HSD17B12: variants seen among roughly 807,000 people sequenced by gnomAD.
HSD17B12 encodes hydroxysteroid 17-beta dehydrogenase 12.
In HSD17B12, 32 loss-of-function variants were observed where a neutral mutation model predicts 39.3. The observed-to-expected ratio is 0.81, with a 90% CI of 0.61 to 1.09. The LOEUF (loss-of-function observed/expected upper bound fraction) is 1.09. HSD17B12 is among the 50% of genes least tolerant of loss of function. HSD17B12 has a pLI of 0.00. For synonymous variants in HSD17B12, 150 were observed against 146.7 expected (o/e 1.02, Z -0.16); for missense variants, 342 against 382.9 (o/e 0.89, Z 0.89).
intron 3 of HSD17B12, among the ~76,000 whole-genome samples, chr11:43,778,114 A>G (rs1176946104): frequency 6.6e-6 from 1 of 152,188 alleles, no homozygotes; most frequent in Middle Eastern, 3.2e-3. Context: ...AAAAAGAGAG[A>G]AGAATCAAAT....
upstream of HSD17B12, among the ~76,000 whole-genome samples, chr11:43,678,294 T>G (rs1372237952): frequency 2.6e-5 from 4 of 152,240 alleles, no homozygotes; most frequent in Non-Finnish European, 4.4e-5. Flanking sequence ...GTTTTTTTCT[T>G]GTAAATTTGT....
At chr11:43,759,566 A>C (rs1329394643) in intron 3 of HSD17B12, among the ~76,000 whole-genome samples, 1 of 152,184 alleles carries the variant, frequency 6.6e-6, no homozygotes, top group African/African-American at 2.4e-5. Context: ...AAAAACTAGA[A>C]ATTTTTTTAA....
chr11:43,623,829 T>C, the HSD17B12 span, among the ~76,000 whole-genome samples: 1 of 151,972 alleles, frequency 6.6e-6, no homozygotes, highest in East Asian at 1.9e-4. Context: ...CACCACTGCA[T>C]AAAATGTCAC....
At chr11:43,571,943 C>T in the HSD17B12 span, among the ~76,000 whole-genome samples, 1 of 152,218 alleles carries the variant, frequency 6.6e-6, no homozygotes, top group Admixed American at 6.5e-5. Context: ...GTGCTAATGG[C>T]TCAGCCTATA....
chr11:43,706,865 G>A (rs1396223666), intron 1 of HSD17B12, among the ~76,000 whole-genome samples: 2 of 152,014 alleles, frequency 1.3e-5, no homozygotes, highest in Non-Finnish European at 2.9e-5. Flanking sequence ...TTGATAATGG[G>A]CCAAAGGCAA....
intron 3 of HSD17B12, among the ~76,000 whole-genome samples, chr11:43,755,949 C>T (rs949637325): frequency 9.2e-5 from 14 of 152,156 alleles, no homozygotes; most frequent in African/African-American, 2.9e-4. Flanking sequence ...GTGAAAGGCA[C>T]GTCTTACATG....
At chr11:43,591,760 A>T in the HSD17B12 span, among the ~76,000 whole-genome samples, 1 of 152,002 alleles carries the variant, frequency 6.6e-6, no homozygotes, top group Non-Finnish European at 1.5e-5. Flanking sequence ...TAACTTGTAA[A>T]CACTAAAGAT....
chr11:43,620,524 A>T, the HSD17B12 span, among the ~76,000 whole-genome samples: 6 of 152,228 alleles, frequency 3.9e-5, no homozygotes, highest in Non-Finnish European at 8.8e-5. Flanking sequence ...GTTATAATGA[A>T]ATCACTTGAG....
intron 1 of HSD17B12, among the ~76,000 whole-genome samples, chr11:43,706,206 C>T (rs1050652467): frequency 6.6e-5 from 10 of 151,970 alleles, no homozygotes; most frequent in Non-Finnish European, 2.9e-5. Flanking sequence ...TCTTTAATAG[C>T]AGTAATATAA....
At chr11:43,616,988 A>G in the HSD17B12 span, among the ~76,000 whole-genome samples, 1 of 151,384 alleles carries the variant, frequency 6.6e-6, no homozygotes, top group African/African-American at 2.4e-5. Context: ...AAAAAAAAAA[A>G]AAAAGAAAAA....
chr11:43,669,044 AAAAT>A, the HSD17B12 span, among the ~76,000 whole-genome samples: 3 of 152,054 alleles, frequency 2.0e-5, no homozygotes, highest in Non-Finnish European at 2.9e-5. Context: ...GATATTGAAG[AAAAT>A]AAATAGAGAA....
At chr11:43,680,659 G>T (rs1393752431), upstream of HSD17B12, 12 of 652,762 alleles carry the variant, frequency 1.8e-5, no homozygotes, top group East Asian at 2.2e-4. Flanking sequence ...AGGGAAAGAC[G>T]GGTCACCAAT....
At chr11:43,799,478 G>A (rs1470777568) in intron 4 of HSD17B12, among the ~76,000 whole-genome samples, 1 of 151,850 alleles carries the variant, frequency 6.6e-6, no homozygotes, top group African/African-American at 2.4e-5. Context: ...ATTGAACTTT[G>A]TTATGGAAAC....
intron 1 of HSD17B12, among the ~76,000 whole-genome samples, chr11:43,708,750 A>G (rs1950038108): frequency 6.6e-6 from 1 of 152,208 alleles, no homozygotes; most frequent in African/African-American, 2.4e-5. Context: ...TCTTTTATTT[A>G]TACTTCATAG....
intron 9 of HSD17B12, among the ~76,000 whole-genome samples, chr11:43,850,255 A>C (rs760717221): frequency 2.6e-5 from 4 of 152,194 alleles, no homozygotes; most frequent in African/African-American, 9.7e-5. Flanking sequence ...ACGCACTCCA[A>C]AACTATAATA....
rs1034378356 is a variant in HSD17B12, at chr11:43,831,309, C to T, written c.536+299C>T. On this transcript the variant is annotated intron_variant, in intron 7 of 10. Transcript: ENST00000278353. This position sits in a 1 kb window ranked among gnomAD's most constrained non-coding sequence, Gnocchi z 4.1. ...TCAATTGCCTACTATTCTGAGGGGG[C>T]GGATAGAGTTCCTGGGATATTCCCG... is the stretch of plus-strand genomic sequence containing the variant. 5 of 207,872 alleles carry T rather than the reference C, an allele frequency of 2.4e-5. No individual in the cohort carries two copies. Among genetic ancestry groups the T allele is most frequent in the South Asian group, 1.8e-4 (1 of 5,648 alleles). 12.9% of individuals were successfully genotyped at this position (207,872 alleles called of 1,614,324 possible).
At chr11:43,720,003 G>C (rs1359063670) in intron 1 of HSD17B12, among the ~76,000 whole-genome samples, 1 of 152,216 alleles carries the variant, frequency 6.6e-6, no homozygotes, top group Non-Finnish European at 1.5e-5. Context: ...GGACAGAACT[G>C]TCTTTACTTT....
intron 7 of HSD17B12, chr11:43,833,387 G>C (rs868075174): frequency 6.6e-6 from 1 of 152,026 alleles, no homozygotes; most frequent in African/African-American, 2.4e-5. Context: ...ATCTAGGGGC[G>C]TCATCATTTT....
chr11:43,745,903 G>A (rs946283462), intron 1 of HSD17B12, among the ~76,000 whole-genome samples: 3 of 152,182 alleles, frequency 2.0e-5, no homozygotes, highest in Admixed American at 6.5e-5. Context: ...GTAGCTACAC[G>A]GGGGGCTAAG....
Sources: allele counts gnomAD v4.1 joint callset (sites outside exome capture counted in the v4.1 genomes callset), GRCh38; gene constraint gnomAD v4.1.1; non-coding constraint Gnocchi (gnomAD v3.1); transcripts MANE v1.5; gene names NCBI Gene and HGNC (gene_info 2026-07-23, HGNC 2026-07-21).